Variants in MAPT observed in about 807,000 individuals in gnomAD.
MAPT encodes the protein microtubule associated protein tau.
In MAPT, 34 loss-of-function variants were observed where a neutral mutation model predicts 67.9. That is an observed-to-expected ratio of 0.50 (90% CI 0.38 to 0.67). The LOEUF is 0.67. Ranked by LOEUF, MAPT falls within the 30% of genes least tolerant of loss-of-function variation. The pLI, the probability that MAPT is intolerant of heterozygous loss-of-function variation, is 0.00. For missense variants in MAPT, 881 were observed against 1,115.2 expected (o/e 0.79, Z 2.99); for synonymous variants, 456 against 464.5 (o/e 0.98, Z 0.23).
chr17:45,915,652 C>T lies in MAPT; in HGVS notation c.-18+20966C>T, dbSNP rs1343654616. Among the ~76,000 whole-genome samples, 1 of 151,950 alleles carries T rather than the reference C, an allele frequency of 6.6e-6. No homozygotes were observed. The highest frequency in any genetic ancestry group is 1.5e-5 in the Non-Finnish European group (1 of 67,990). ...TGTTCAGCATATATAAGGCATGTAA[C>T]TGAACACAGCACTTTAGAGGGCTCT... On this transcript the variant is annotated intron_variant, in intron 1 of 12. Transcript: ENST00000262410. This position sits in a 1 kb window ranked among gnomAD's most constrained non-coding sequence, Gnocchi z 4.4.
At chr17:45,904,321 A>ATT (rs1568136098) in intron 1 of MAPT, among the ~76,000 whole-genome samples, 22 of 32,654 alleles carry the variant, frequency 6.7e-4, no homozygotes, top group Non-Finnish European at 1.2e-3. Flanking sequence ...AAACATATAT[A>ATT]ATATATATTA....
chr17:45,930,779 C>T (rs1293576860), intron 1 of MAPT, among the ~76,000 whole-genome samples: 1 of 152,222 alleles, frequency 6.6e-6, no homozygotes, highest in Non-Finnish European at 1.5e-5. Context: ...AGCCTGAGCT[C>T]ACTCCCAGTT....
chr17:45,968,064 T>C (rs111732157), intron 2 of MAPT, among the ~76,000 whole-genome samples: 2,354 of 152,218 alleles, frequency 0.015, 63 homozygotes, highest in African/African-American at 0.05. Flanking sequence ...TGTCCCCCAC[T>C]GAGGCCCCAG....
At chr17:45,976,080 C>G (rs2072312833) in intron 3 of MAPT, 1 of 152,272 alleles carries the variant, frequency 6.6e-6, no homozygotes, top group Non-Finnish European at 1.5e-5. Context: ...TGAGGTCCTG[C>G]TAGTTGCCAC....
At chr17:45,916,736 A>G (rs1219627135) in intron 1 of MAPT, among the ~76,000 whole-genome samples, 1 of 152,220 alleles carries the variant, frequency 6.6e-6, no homozygotes, top group East Asian at 1.9e-4. Context: ...CCAGCATCAC[A>G]AGGTGTTAAG....
intron 2 of MAPT, among the ~76,000 whole-genome samples, chr17:45,964,626 G>T (rs62063287): frequency 0.15 from 23,139 of 151,706 alleles, 2,350 homozygotes; most frequent in Non-Finnish European, 0.23. Context: ...GGAGGTTGCC[G>T]TGAGCCAAGA....
chr17:45,989,728 T>A, intron 6 of MAPT, 150 bp from the exon 7 acceptor site: 1 of 705,612 alleles, frequency 1.4e-6, no homozygotes. Context: ...TCAGAAGGGA[T>A]ATTAAGGGTA....
At chr17:45,968,067 G>A (rs1246916454) in intron 2 of MAPT, among the ~76,000 whole-genome samples, 7 of 152,070 alleles carry the variant, frequency 4.6e-5, no homozygotes, top group Non-Finnish European at 1.0e-4. Context: ...CCCCCACTGA[G>A]GCCCCAGAGC....
intron 1 of MAPT, among the ~76,000 whole-genome samples, chr17:45,902,288 C>T (rs1451532317): frequency 1.3e-5 from 2 of 152,080 alleles, no homozygotes; most frequent in Non-Finnish European, 2.9e-5. Context: ...CCAGGCTGGT[C>T]CCGAACTTCT....
intron 3 of MAPT, chr17:45,975,327 A>T (rs949261632): frequency 3.3e-5 from 5 of 152,198 alleles, no homozygotes; most frequent in Non-Finnish European, 5.9e-5. Context: ...TTTCCCTCCT[A>T]AAGATGGTAC....
intron 4 of MAPT, 100 bp downstream of exon 4, chr17:45,978,540 C>T (rs1458847851): frequency 3.1e-6 from 3 of 955,692 alleles, no homozygotes; most frequent in Non-Finnish European, 3.3e-6. Flanking sequence ...AGCTCTAATT[C>T]ACAAGTCCAG....
chr17:45,986,128 A>G (rs1466365110), intron 5 of MAPT, among the ~76,000 whole-genome samples: 2 of 152,196 alleles, frequency 1.3e-5, no homozygotes, highest in Admixed American at 6.5e-5. Context: ...GTCTGTGGGA[A>G]TGTATGATGG....
intron 6 of MAPT, among the ~76,000 whole-genome samples, chr17:45,987,559 C>G (rs1450991296): frequency 6.6e-6 from 1 of 152,238 alleles, no homozygotes; most frequent in Admixed American, 6.5e-5. Context: ...TGGGGAAATG[C>G]TCCCGTAATT....
At chr17:45,934,864 A>G (rs949290174) in intron 1 of MAPT, among the ~76,000 whole-genome samples, 6 of 151,184 alleles carry the variant, frequency 4.0e-5, no homozygotes, top group African/African-American at 1.5e-4. Context: ...TGGACCCTGG[A>G]CCTATGGCCT....
intron 1 of MAPT, among the ~76,000 whole-genome samples, chr17:45,907,108 A>G (rs376970447): frequency 6.6e-6 from 1 of 152,112 alleles, no homozygotes; most frequent in Non-Finnish European, 1.5e-5. Flanking sequence ...TGCTAAGCCA[A>G]GCTGGCCTCG....
At chr17:46,015,775 C>T (rs2076138740) in intron 11 of MAPT, among the ~76,000 whole-genome samples, 2 of 152,192 alleles carry the variant, frequency 1.3e-5, no homozygotes, top group African/African-American at 2.4e-5. Flanking sequence ...CCCCATTTTC[C>T]ATGATGTGAT....
chr17:45,923,187 A>T (rs2065926692), intron 1 of MAPT, among the ~76,000 whole-genome samples: 1 of 152,180 alleles, frequency 6.6e-6, no homozygotes, highest in African/African-American at 2.4e-5. Flanking sequence ...GGCACATAAT[A>T]AATGCTAAGT....
chr17:45,939,544 A>C (rs372167952), intron 1 of MAPT, among the ~76,000 whole-genome samples: 1 of 152,178 alleles, frequency 6.6e-6, no homozygotes, highest in Non-Finnish European at 1.5e-5. Flanking sequence ...TCCATATTTC[A>C]TGGCTCCCTG....
At chr17:45,969,789 T>C (rs1330266391) in intron 2 of MAPT, among the ~76,000 whole-genome samples, 1 of 150,438 alleles carries the variant, frequency 6.6e-6, no homozygotes, top group Non-Finnish European at 1.5e-5. Flanking sequence ...CCATCCTTCC[T>C]TCCATCCATC....
Sources: allele counts gnomAD v4.1 joint callset (sites outside exome capture counted in the v4.1 genomes callset), GRCh38; gene constraint gnomAD v4.1.1; non-coding constraint Gnocchi (gnomAD v3.1); transcripts MANE v1.5; gene names NCBI Gene and HGNC (gene_info 2026-07-23, HGNC 2026-07-21).